Variants in RAI14 observed in about 807,000 individuals in gnomAD.
RAI14 encodes ankycorbin.
In RAI14, 45 loss-of-function variants were observed where a neutral mutation model predicts 115.4. The ratio of observed to expected loss-of-function variants is 0.39; its 90% CI spans 0.31 to 0.50. The LOEUF (loss-of-function observed/expected upper bound fraction) is 0.50. Among genes scored for constraint, RAI14 ranks in the 20% least tolerant of loss-of-function variants. The pLI is 0.85. For missense variants in RAI14, 939 were observed against 1,131.2 expected (o/e 0.83, Z 2.44); for synonymous variants, 371 against 415.4 (o/e 0.89, Z 1.30).
intron 2 of RAI14, among the ~76,000 whole-genome samples, chr5:34,699,859 A>C (rs1355962729): frequency 6.6e-6 from 1 of 152,180 alleles, no homozygotes; most frequent in Non-Finnish European, 1.5e-5. Context: ...CAAATTCCTC[A>C]TTCCAATTTC....
intron 3 of RAI14, among the ~76,000 whole-genome samples, chr5:34,779,547 G>A (rs1294176519): frequency 3.3e-5 from 5 of 152,050 alleles, no homozygotes; most frequent in Admixed American, 3.3e-4. Context: ...AAATCAATGT[G>A]CAAAAATCAC....
intron 3 of RAI14, among the ~76,000 whole-genome samples, chr5:34,781,795 A>G (rs1751681114): frequency 1.3e-5 from 2 of 152,222 alleles, no homozygotes; most frequent in Non-Finnish European, 2.9e-5. Flanking sequence ...CAGCTTGATC[A>G]TGGAGACCCT....
At chr5:34,811,215 T>C in intron 8 of RAI14, 97 bp downstream of exon 8, 4 of 1,372,528 alleles carry the variant, frequency 2.9e-6, no homozygotes, top group South Asian at 2.5e-5. Flanking sequence ...TCATTTGTTA[T>C]AAGGGATTTT....
chr5:34,683,112 G>A (rs1359706247), intron 1 of RAI14, among the ~76,000 whole-genome samples: 5 of 152,180 alleles, frequency 3.3e-5, no homozygotes, highest in South Asian at 2.1e-4. Flanking sequence ...ATTACTTTCC[G>A]CCAGCCATGG....
chr5:34,661,054 G>A (rs1223495026), intron 1 of RAI14, among the ~76,000 whole-genome samples: 1 of 152,174 alleles, frequency 6.6e-6, no homozygotes, highest in Non-Finnish European at 1.5e-5. Context: ...CCGTGTATAG[G>A]TTGAGTATTC....
intron 3 of RAI14, among the ~76,000 whole-genome samples, chr5:34,775,959 A>G (rs1016904498): frequency 6.6e-6 from 1 of 152,228 alleles, no homozygotes; most frequent in Non-Finnish European, 1.5e-5. Context: ...TTGAAAAGAT[A>G]TCTGCACTCT....
chr5:34,672,616 G>T (rs2149857677), intron 1 of RAI14, among the ~76,000 whole-genome samples: 1 of 152,272 alleles, frequency 6.6e-6, no homozygotes, highest in African/African-American at 2.4e-5. Context: ...AAAAATATCT[G>T]AAGGGCTTTT....
At chr5:34,713,685 G>GCCGC (rs1561267849) in intron 2 of RAI14, among the ~76,000 whole-genome samples, 2 of 152,324 alleles carry the variant, frequency 1.3e-5, no homozygotes, top group South Asian at 4.1e-4. Flanking sequence ...ACAGGCGTGA[G>GCCGC]CCGCCGTACT....
At chr5:34,820,265 G>C (rs1180373395) in intron 13 of RAI14, among the ~76,000 whole-genome samples, 1 of 152,172 alleles carries the variant, frequency 6.6e-6, no homozygotes, top group Non-Finnish European at 1.5e-5. Context: ...TGTGGGTAAA[G>C]TATTTACTAG....
intron 16 of RAI14, 147 bp from the exon 17 acceptor site, chr5:34,829,585 C>T (rs1041404241): frequency 1.4e-5 from 8 of 569,922 alleles, no homozygotes; most frequent in Non-Finnish European, 2.1e-5. Flanking sequence ...CCAGTAAGGC[C>T]ACAACAATTT....
In RAI14 at chr5:34,799,493, GACACACACAC is replaced by G. The variant is rs780186006; in HGVS notation, c.256+3504_256+3513del. Among the ~76,000 whole-genome samples, 129 of 124,106 alleles carry G rather than the reference GACACACACAC, an allele frequency of 1.0e-3. 2 individuals carry two copies. The highest frequency in any genetic ancestry group is 2.7e-3 in the African/African-American group (94 of 34,876). 81.4% of individuals were successfully genotyped at this position (124,106 alleles called of 152,430 possible). Reference sequence around the variant, plus strand: ...TTGAAAAAAACAAAACACACACACAGACACACACACACACACACACACACACACACACACA... The same window carrying G: ...TTGAAAAAAACAAAACACACACACAGACACACACACACACACACACACACA... On this transcript the variant is annotated intron_variant, in intron 4 of 17. Transcript: ENST00000265109.
At chr5:34,728,349 G>A (rs1743742440) in intron 2 of RAI14, among the ~76,000 whole-genome samples, 1 of 152,174 alleles carries the variant, frequency 6.6e-6, no homozygotes, top group Non-Finnish European at 1.5e-5. Context: ...GTTTTGAAAT[G>A]TGAGAACATG....
chr5:34,830,800 T>C lies in RAI14; in HGVS notation c.*35T>C. 6.2e-7 allele frequency: 1 copy of C among 1,612,954 alleles called. No homozygotes were observed. On this transcript the variant is annotated 3_prime_UTR_variant, in exon 18 of 18. Transcript: ENST00000265109. The stretch of plus-strand genomic sequence containing the variant: ...CTTGGCAGGACACTGCCCCTTGTCA[T>C]CTGTCTTTGTGTTAGATCCAGAGTT...
chr5:34,701,770 C>T (rs1740104004), intron 2 of RAI14, among the ~76,000 whole-genome samples: 1 of 152,122 alleles, frequency 6.6e-6, no homozygotes, highest in South Asian at 2.1e-4. Flanking sequence ...TCATATTTGG[C>T]TCAGAATAAA....
chr5:34,695,449 C>G (rs2149908918), intron 2 of RAI14, among the ~76,000 whole-genome samples: 1 of 152,366 alleles, frequency 6.6e-6, no homozygotes, highest in African/African-American at 2.4e-5. Flanking sequence ...CTGTTACCCT[C>G]TAGAGCTGCT....
intron 2 of RAI14, among the ~76,000 whole-genome samples, chr5:34,754,025 G>A (rs1242004686): frequency 6.6e-6 from 1 of 151,884 alleles, no homozygotes; most frequent in Non-Finnish European, 1.5e-5. Context: ...AGGTTGCAGT[G>A]AGCCAAGATC....
intron 1 of RAI14, among the ~76,000 whole-genome samples, chr5:34,659,720 T>C (rs1445502943): frequency 1.3e-5 from 2 of 152,238 alleles, no homozygotes; most frequent in Non-Finnish European, 2.9e-5. Flanking sequence ...TGCTGGGTAA[T>C]GAAGTTTAGG....
chr5:34,752,749 G>GTATATA (rs71600954), intron 2 of RAI14, among the ~76,000 whole-genome samples: 10 of 107,050 alleles, frequency 9.3e-5, no homozygotes, highest in African/African-American at 1.5e-4. Flanking sequence ...GTGTGTGTGT[G>GTATATA]TATATATATA....
At chr5:34,697,029 G>T (rs1739335520) in intron 2 of RAI14, among the ~76,000 whole-genome samples, 1 of 152,188 alleles carries the variant, frequency 6.6e-6, no homozygotes, top group Admixed American at 6.5e-5. Context: ...TACTCAGGAG[G>T]CTGAGGCAGG....
Sources: allele counts gnomAD v4.1 joint callset (sites outside exome capture counted in the v4.1 genomes callset), GRCh38; gene constraint gnomAD v4.1.1; transcripts MANE v1.5; gene names NCBI Gene and HGNC (gene_info 2026-07-23, HGNC 2026-07-21).